Variants in IRAK3 observed in about 807,000 individuals in gnomAD.
IRAK3 encodes interleukin 1 receptor associated kinase 3.
Under a neutral mutation model 56.6 loss-of-function variants are expected in IRAK3, and 57 were observed. That is an observed-to-expected ratio of 1.01 (90% CI 0.81 to 1.26). The LOEUF is 1.26. Ranked by LOEUF, IRAK3 falls within the 50% of genes most tolerant of loss-of-function variation. The probability of loss-of-function intolerance (pLI) is 0.00; values close to 1 mark genes in which losing one functional copy is unlikely to be tolerated. For synonymous variants in IRAK3, 258 were observed against 255.7 expected (o/e 1.01, Z -0.09); for missense variants, 703 against 719.0 (o/e 0.98, Z 0.25).
At chr12:66,233,669 A>G (rs1196665945) in intron 8 of IRAK3, among the ~76,000 whole-genome samples, 1 of 151,940 alleles carries the variant, frequency 6.6e-6, no homozygotes, top group Non-Finnish European at 1.5e-5. Flanking sequence ...GAAAAAAAAA[A>G]CACAGATTAA....
intron 1 of IRAK3, chr12:66,196,967 A>T (rs1471850197): frequency 6.5e-7 from 1 of 1,535,156 alleles, no homozygotes. Context: ...GATTCCAAAT[A>T]CGGATGTGTT....
At chr12:66,235,190 G>A in intron 8 of IRAK3, 1 of 1,612,734 alleles carries the variant, frequency 6.2e-7, no homozygotes, top group East Asian at 2.2e-5. Flanking sequence ...ACTGGGAGGG[G>A]CCATGGGGTG....
At position 66,250,731 on chromosome 12, in the gene IRAK3, T is replaced by C. The variant is rs1404389334; in HGVS notation, c.*2560T>C. On this transcript the variant is annotated 3_prime_UTR_variant, in exon 12 of 12. Coordinates refer to ENST00000261233, the MANE Select transcript of IRAK3 (RefSeq NM_007199.3). Reference sequence around the variant, plus strand: ...CTCCGCACATATAATCTGTGGGTATTATGTTGATTTGAACTTGCTTAGCTG... The same window carrying C: ...CTCCGCACATATAATCTGTGGGTATCATGTTGATTTGAACTTGCTTAGCTG... 1 of 152,262 alleles carries C rather than the reference T, an allele frequency of 6.6e-6. No homozygotes were observed. Among genetic ancestry groups the C allele is most frequent in the African/African-American group, 2.4e-5 (1 of 41,456 alleles). The allele number at this position is 152,262 out of a possible 1,614,324, so 9.4% of individuals were successfully genotyped here. A position where few individuals can be genotyped will look rare whatever the true frequency, so the allele number is the denominator to read the frequency against.
At chr12:66,224,322 C>T (rs1218814323) in intron 6 of IRAK3, among the ~76,000 whole-genome samples, 1 of 152,152 alleles carries the variant, frequency 6.6e-6, no homozygotes, top group Non-Finnish European at 1.5e-5. Flanking sequence ...GCAGCTTTCT[C>T]CTCTTAGAAT....
chr12:66,216,686 A>G (rs2052680220), intron 5 of IRAK3, among the ~76,000 whole-genome samples: 1 of 152,196 alleles, frequency 6.6e-6, no homozygotes, highest in Non-Finnish European at 1.5e-5. Context: ...GAAAGTAAAG[A>G]GTTATATTTT....
intron 1 of IRAK3, among the ~76,000 whole-genome samples, chr12:66,196,344 A>G (rs950192910): frequency 6.6e-6 from 1 of 152,190 alleles, no homozygotes; most frequent in Non-Finnish European, 1.5e-5. Context: ...TTGATAAAGC[A>G]CTGTAAATAC....
intron 5 of IRAK3, 117 bp from the exon 6 acceptor site, chr12:66,217,054 T>A: frequency 1.3e-6 from 1 of 767,042 alleles, no homozygotes; most frequent in South Asian, 1.4e-5. Context: ...CAGAAAAGTG[T>A]TCATATGTGT....
chr12:66,206,079 C>T (rs941037212), intron 2 of IRAK3, among the ~76,000 whole-genome samples: 1 of 150,858 alleles, frequency 6.6e-6, no homozygotes, highest in African/African-American at 2.5e-5. Context: ...CTGGCTTCTT[C>T]TTAAGAGAGA....
Position 66,248,110 on chromosome 12 carries a change from T to A in IRAK3, c.1730T>A (p.Val577Glu), listed in dbSNP as rs2053056272. The A allele has an allele frequency of 6.2e-7, 1 of 1,611,052 alleles. No homozygotes were observed. Among genetic ancestry groups the A allele is most frequent in the Admixed American group, 1.7e-5 (1 of 59,514 alleles). Residue 577 changes from valine to glutamate, a missense_variant, in exon 12 of 12, where the codon GTG becomes GAG. Val to Glu is a moderately radical substitution (Grantham distance 121, BLOSUM62 -2). Transcript: ENST00000261233. The part of the protein sequence containing the change: ...APGHSCRSRP[V>E]ESSCSSKFSW... Reference sequence around the variant, plus strand: ...GGGCATTCTTGCAGGAGCAGGCCAGTGGAGAGCAGCTGTTCCTCCAAATTT... The same window carrying A: ...GGGCATTCTTGCAGGAGCAGGCCAGAGGAGAGCAGCTGTTCCTCCAAATTT...
intron 2 of IRAK3, among the ~76,000 whole-genome samples, chr12:66,204,096 A>G (rs189489524): frequency 6.6e-6 from 1 of 152,018 alleles, no homozygotes; most frequent in African/African-American, 2.4e-5. Flanking sequence ...TATACAACAT[A>G]TTTCTTTCTA....
rs1338194339 is a variant in IRAK3 at position 66,197,017 on chromosome 12, A to G, written c.134-6694A>G. On this transcript the variant is annotated intron_variant, in intron 1 of 11. Transcript: ENST00000261233. ...AACCCCTTCAGAGACATATTTGCAT[A>G]TGGAGACGTGATTTCTGCAACTGAA... 3 of 1,531,180 alleles carry G rather than the reference A, an allele frequency of 2.0e-6. No individual in the cohort carries two copies. In the Admixed American group the frequency reaches 6.0e-5, roughly 31 times the overall value. The allele number at this position is 1,531,180 out of a possible 1,614,324, so 94.8% of individuals were successfully genotyped here.
chr12:66,189,490 G>T (rs1366531300), intron 1 of IRAK3, 58 bp downstream of exon 1: 24 of 1,080,450 alleles, frequency 2.2e-5, no homozygotes, highest in Non-Finnish European at 2.6e-5. Flanking sequence ...CGCGGGGCCC[G>T]CTCGGCGTCG....
chr12:66,196,484 C>T (rs532105399), intron 1 of IRAK3, among the ~76,000 whole-genome samples: 1 of 152,212 alleles, frequency 6.6e-6, no homozygotes, highest in African/African-American at 2.4e-5. Context: ...TACATAGCTT[C>T]TGACTGAAAC....
At chr12:66,210,314 G>C in intron 4 of IRAK3, 113 bp downstream of exon 4, 1 of 671,488 alleles carries the variant, frequency 1.5e-6, no homozygotes, top group Non-Finnish European at 2.7e-6. Flanking sequence ...ATTCAAATTC[G>C]GTATAAAATT....
intron 8 of IRAK3, among the ~76,000 whole-genome samples, chr12:66,228,674 AT>A (rs1020810513): frequency 3.0e-5 from 3 of 101,220 alleles, no homozygotes; most frequent in Non-Finnish European, 5.1e-5. Flanking sequence ...CAACAAAATG[AT>A]TTTTTTTACT....
chr12:66,223,233 A>C (rs549157026), intron 6 of IRAK3, among the ~76,000 whole-genome samples: 1 of 152,296 alleles, frequency 6.6e-6, no homozygotes, highest in South Asian at 2.1e-4. Context: ...ACTTCAGGCC[A>C]TCTGGATGTA....
At chr12:66,204,696 T>A (rs1254850362) in intron 2 of IRAK3, among the ~76,000 whole-genome samples, 2 of 152,128 alleles carry the variant, frequency 1.3e-5, no homozygotes, top group Non-Finnish European at 2.9e-5. Flanking sequence ...ATTCTTTGGC[T>A]CTTTTCATAG....
chr12:66,195,669 GTTTTT>G (rs1328129651), intron 1 of IRAK3, among the ~76,000 whole-genome samples: 1 of 151,724 alleles, frequency 6.6e-6, no homozygotes, highest in Non-Finnish European at 1.5e-5. Context: ...GTTTTGTTTT[GTTTTT>G]TTAAGACGGA....
At position 66,247,911 on chromosome 12, in the gene IRAK3, C is replaced by T; in HGVS notation, c.1531C>T (p.Gln511Ter). Residue 511 changes from glutamine (Q) to a stop codon, truncating the protein, a stop_gained, in exon 12 of 12, where the codon CAG becomes TAG. Coordinates refer to ENST00000261233, the MANE Select transcript of IRAK3 (RefSeq NM_007199.3). LOFTEE classifies it low-confidence loss of function (END_TRUNC). ...MTQKTPFECS[Q>*]SEVMFLSLDK... ...TCAGAAAACTCCTTTTGAATGCAGCCAGTCTGAGGTTATGTTTCTGAGCTT... is the reference window on the plus strand; with the variant it reads ...TCAGAAAACTCCTTTTGAATGCAGCTAGTCTGAGGTTATGTTTCTGAGCTT... 6.2e-7 allele frequency: 1 copy of T among 1,614,138 alleles called. No individual in the cohort carries two copies. Among genetic ancestry groups the T allele is most frequent in the Middle Eastern group, 1.6e-4 (1 of 6,062 alleles).
Sources: allele counts gnomAD v4.1 joint callset (sites outside exome capture counted in the v4.1 genomes callset), GRCh38; gene constraint gnomAD v4.1.1; transcripts MANE v1.5; gene names NCBI Gene and HGNC (gene_info 2026-07-23, HGNC 2026-07-21).